Variants in UQCC2 observed in about 807,000 individuals in gnomAD.
UQCC2 encodes the protein breast cancer-associated protein SGA-81M.
In UQCC2, 21 loss-of-function variants were observed where a neutral mutation model predicts 19.9. The ratio of observed to expected loss-of-function variants is 1.05; its 90% CI spans 0.75 to 1.52. The LOEUF (loss-of-function observed/expected upper bound fraction) is 1.52, where lower values mean the gene tolerates loss of function less well. Ranked by LOEUF, UQCC2 falls within the 40% of genes most tolerant of loss-of-function variation. UQCC2 has a pLI of 0.00. For synonymous variants in UQCC2, 57 were observed against 60.9 expected (o/e 0.94, Z 0.30); for missense variants, 135 against 157.5 (o/e 0.86, Z 0.76).
At chr6:33,706,345 C>T (rs968165577) in intron 1 of UQCC2, among the ~76,000 whole-genome samples, 3 of 152,178 alleles carry the variant, frequency 2.0e-5, no homozygotes. Flanking sequence ...ATTTCTTGAG[C>T]ACCTACTATA....
At chr6:33,700,669 G>A (rs749466670) in intron 2 of UQCC2, among the ~76,000 whole-genome samples, 156 bp from the exon 3 acceptor site, 16 of 152,162 alleles carry the variant, frequency 1.1e-4, no homozygotes, top group Non-Finnish European at 2.1e-4. Flanking sequence ...ACTTGGCCTC[G>A]CAAGAACCAG....
At chr6:33,701,500 A>AC in intron 1 of UQCC2, 80 bp from the exon 2 acceptor site, 1 of 1,415,338 alleles carries the variant, frequency 7.1e-7, no homozygotes, top group East Asian at 2.4e-5. Flanking sequence ...GAAAGACCAT[A>AC]CTTAATAAAG....
intron 1 of UQCC2, among the ~76,000 whole-genome samples, chr6:33,702,608 C>G (rs1224374103): frequency 1.3e-5 from 2 of 152,222 alleles, no homozygotes; most frequent in Non-Finnish European, 2.9e-5. Context: ...AGGCAGCATA[C>G]AGAGGAGGTG....
chr6:33,700,133 A>G (rs1336882867), intron 3 of UQCC2, among the ~76,000 whole-genome samples: 1 of 152,214 alleles, frequency 6.6e-6, no homozygotes, highest in Non-Finnish European at 1.5e-5. Context: ...TAAGACCATA[A>G]AAATAAAATT....
rs1765724517 is a variant in UQCC2 at position 33,708,383 on chromosome 6, C to T, written c.138+3166G>A. On this transcript the variant is annotated intron_variant, in intron 1 of 3. Transcript: ENST00000607484. ...TGGCTTGTCTCTTATGGCTACGGAACCCCCAGTGCGTTGTCTTGTTTTTCT... is the reference window on the plus strand; with the variant it reads ...TGGCTTGTCTCTTATGGCTACGGAATCCCCAGTGCGTTGTCTTGTTTTTCT... 2.0e-5 allele frequency among the ~76,000 whole-genome samples: 3 copies of T among 148,452 alleles called. No individual in the cohort carries two copies. The South Asian group carries it at 7.2e-4, about 35-fold the overall frequency.
At chr6:33,700,362 T>C in intron 3 of UQCC2, 82 bp downstream of exon 3, 1 of 1,491,980 alleles carries the variant, frequency 6.7e-7, no homozygotes, top group Non-Finnish European at 9.3e-7. Context: ...AGCAAAACTG[T>C]CTTCTTAGAC....
At position 33,700,509 on chromosome 6, in the gene UQCC2, G is replaced by C. The variant is rs1765626472; in HGVS notation, c.218C>G (p.Pro73Arg). 1 of 1,614,158 alleles carries C rather than the reference G, an allele frequency of 6.2e-7. No individual in the cohort carries two copies. Among genetic ancestry groups the C allele is most frequent in the South Asian group, 1.1e-5 (1 of 91,082 alleles). The change falls in exon 3 of 4, where the codon CCT (proline) becomes CGT (arginine). Residue 73 changes from proline (P) to arginine (R), a missense_variant. Physicochemically the swap from Pro to Arg is moderately radical, Grantham distance 103. Coordinates refer to ENST00000607484, the MANE Select transcript of UQCC2 (RefSeq NM_032340.4). ...ACTGAAGCTGGTGTCTCTGGGGCGA[G>C]GGTACTGGTCACCGGGGCAGAAAGG... ...LHSNYYKHKYPRPRDTSFSGL... is the reference protein window; with the variant it reads ...LHSNYYKHKYRRPRDTSFSGL...
rs564589997 is a variant in UQCC2, at chr6:33,701,355, G to A, written c.204C>T (p.Tyr68=). Residue 68 remains tyrosine (Y), a synonymous_variant, in exon 2 of 4, where the codon TAC becomes TAT. Coordinates refer to ENST00000607484, the MANE Select transcript of UQCC2 (RefSeq NM_032340.4). Reference sequence around the variant, plus strand: ...ACTGTGGCCCACTCACCTTGTGTTTGTAGTAGTTTGAATGGAGTCGCGCTA... The same window carrying A: ...ACTGTGGCCCACTCACCTTGTGTTTATAGTAGTTTGAATGGAGTCGCGCTA... The part of the protein sequence containing the change: ...ESLARLHSNY[Y]KHKYPRPRDT... 26 of 1,613,124 alleles carry A rather than the reference G, an allele frequency of 1.6e-5. 1 individual carries two copies. In the South Asian group the frequency reaches 2.3e-4, roughly 14 times the overall value.
chr6:33,710,220 C>T (rs1344727667), intron 1 of UQCC2, among the ~76,000 whole-genome samples: 4 of 152,146 alleles, frequency 2.6e-5, no homozygotes. Context: ...CTTATAGTAC[C>T]ATAATCGGCT....
intron 1 of UQCC2, among the ~76,000 whole-genome samples, chr6:33,704,694 G>C (rs1247404109): frequency 6.6e-6 from 1 of 152,140 alleles, no homozygotes; most frequent in Non-Finnish European, 1.5e-5. Flanking sequence ...CATAGCCTCT[G>C]CCTCTCTCCT....
chr6:33,704,113 G>A (rs562436777), intron 1 of UQCC2, among the ~76,000 whole-genome samples: 1 of 152,222 alleles, frequency 6.6e-6, no homozygotes, highest in African/African-American at 2.4e-5. Flanking sequence ...TCCGGGCCTG[G>A]AACGCCGATA....
intron 1 of UQCC2, among the ~76,000 whole-genome samples, chr6:33,706,251 A>C (rs550139138): frequency 6.6e-6 from 1 of 152,378 alleles, no homozygotes; most frequent in Non-Finnish European, 1.5e-5. Context: ...CTATAAAAAA[A>C]GGTTTTCAAG....
chr6:33,704,871 G>A (rs941332385), intron 1 of UQCC2, among the ~76,000 whole-genome samples: 2 of 152,156 alleles, frequency 1.3e-5, no homozygotes, highest in African/African-American at 4.8e-5. Flanking sequence ...TGTGGTATAA[G>A]GTGCTGTCCT....
At chr6:33,706,517 G>A (rs560478175) in intron 1 of UQCC2, among the ~76,000 whole-genome samples, 3 of 152,318 alleles carry the variant, frequency 2.0e-5, no homozygotes, top group Admixed American at 6.5e-5. Context: ...TGCGGAGCAC[G>A]GGCCGCTGCA....
intron 1 of UQCC2, among the ~76,000 whole-genome samples, chr6:33,708,053 G>A (rs979098032): frequency 2.6e-5 from 4 of 152,222 alleles, no homozygotes; most frequent in African/African-American, 9.6e-5. Flanking sequence ...ATGAATTATT[G>A]ATTTGCCCTT....
intron 2 of UQCC2, among the ~76,000 whole-genome samples, chr6:33,700,911 G>GA (rs1258539660): frequency 6.1e-4 from 93 of 152,310 alleles, no homozygotes; most frequent in African/African-American, 2.1e-3. Flanking sequence ...TCAAGTATGG[G>GA]AAAAACCACT....
chr6:33,699,302 G>C (rs1765610762), intron 3 of UQCC2, among the ~76,000 whole-genome samples: 1 of 152,230 alleles, frequency 6.6e-6, no homozygotes, highest in Non-Finnish European at 1.5e-5. Context: ...CTCGCTGCCA[G>C]AACAAGCTGC....
intron 1 of UQCC2, among the ~76,000 whole-genome samples, chr6:33,701,948 T>C (rs916203695): frequency 2.0e-5 from 3 of 151,682 alleles, no homozygotes; most frequent in African/African-American, 4.8e-5. Context: ...GGGGAGGAGA[T>C]GCCGTCAGCA....
At chr6:33,700,643 C>A in intron 2 of UQCC2, 130 bp from the exon 3 acceptor site, 1 of 893,370 alleles carries the variant, frequency 1.1e-6, no homozygotes, top group Non-Finnish European at 1.8e-6. Context: ...AAGAGCAGCG[C>A]CACCTCGAGG....
Sources: gnomAD v4.1 joint callset for allele counts (sites outside exome capture counted in the v4.1 genomes callset) on GRCh38, gnomAD v4.1.1 for gene constraint, MANE v1.5 for transcripts, NCBI Gene and HGNC (gene_info 2026-07-23, HGNC 2026-07-21) for gene names.